Variants in GPHN observed in about 807,000 individuals in gnomAD.
GPHN encodes the protein gephyrin.
A neutral mutation model predicts 95.5 loss-of-function variants in GPHN; 17 were observed. The observed-to-expected ratio is 0.18, with a 90% CI of 0.12 to 0.27. The LOEUF (loss-of-function observed/expected upper bound fraction) is 0.27, where lower values mean the gene tolerates loss of function less well. GPHN is among the 10% of genes least tolerant of loss of function. The pLI, the probability that GPHN is intolerant of heterozygous loss-of-function variation, is 1.00. For synonymous variants in GPHN, 320 were observed against 322.5 expected (o/e 0.99, Z 0.08); for missense variants, 660 against 978.1 (o/e 0.67, Z 4.34).
At chr14:67,444,869 C>G in the GPHN span, among the ~76,000 whole-genome samples, 76 of 152,298 alleles carry the variant, frequency 5.0e-4, no homozygotes, top group African/African-American at 1.8e-3. Context: ...AAGTGATTCT[C>G]CTGCCTCAGC....
chr14:67,284,979 G>T, the GPHN span, among the ~76,000 whole-genome samples: 4 of 151,804 alleles, frequency 2.6e-5, no homozygotes, highest in East Asian at 7.7e-4. Flanking sequence ...TTGACCTCCT[G>T]GCCTCAAGTG....
At chr14:67,056,498 A>G (rs891738900) in intron 10 of GPHN, among the ~76,000 whole-genome samples, 1 of 151,966 alleles carries the variant, frequency 6.6e-6, no homozygotes, top group Non-Finnish European at 1.5e-5. Context: ...CTAGCTAGAC[A>G]TAAAAGTTCT....
the GPHN span, among the ~76,000 whole-genome samples, chr14:67,706,850 A>G: frequency 6.6e-6 from 1 of 152,192 alleles, no homozygotes; most frequent in African/African-American, 2.4e-5. Context: ...TCTCTTGGTT[A>G]GGATGGTTCG....
chr14:67,398,743 A>G, the GPHN span, among the ~76,000 whole-genome samples: 3 of 152,032 alleles, frequency 2.0e-5, no homozygotes, highest in African/African-American at 7.2e-5. Flanking sequence ...TTTTTTGTAA[A>G]GACGAGGTCT....
chr14:67,286,710 T>G, the GPHN span, among the ~76,000 whole-genome samples: 8 of 150,708 alleles, frequency 5.3e-5, no homozygotes, highest in African/African-American at 2.0e-4. Context: ...AATACAAAAA[T>G]AGCCAGGTGT....
the GPHN span, among the ~76,000 whole-genome samples, chr14:67,478,496 A>G: frequency 6.6e-6 from 1 of 152,196 alleles, no homozygotes; most frequent in Non-Finnish European, 1.5e-5. Context: ...TTCACTCATC[A>G]CAGGATGAAA....
chr14:67,284,781 TTA>T, the GPHN span, among the ~76,000 whole-genome samples: 1 of 152,096 alleles, frequency 6.6e-6, no homozygotes, highest in African/African-American at 2.4e-5. Flanking sequence ...TCACTTACCA[TTA>T]TGTTTTCAGG....
At chr14:67,663,518 C>T in the GPHN span, among the ~76,000 whole-genome samples, 1 of 151,770 alleles carries the variant, frequency 6.6e-6, no homozygotes, top group Non-Finnish European at 1.5e-5. Context: ...CTAAAAAATA[C>T]AAAAAATTAG....
At chr14:67,387,709 A>G in the GPHN span, among the ~76,000 whole-genome samples, 3 of 152,146 alleles carry the variant, frequency 2.0e-5, no homozygotes, top group African/African-American at 7.2e-5. Context: ...CCTGCTCCCT[A>G]TGCTCAAGAT....
At chr14:66,590,084 A>C (rs1414325344) in intron 1 of GPHN, among the ~76,000 whole-genome samples, 1 of 152,180 alleles carries the variant, frequency 6.6e-6, no homozygotes, top group Non-Finnish European at 1.5e-5. Context: ...CTACTGGGTA[A>C]ATAACAAAAT....
chr14:67,522,392 C>T, the GPHN span, among the ~76,000 whole-genome samples: 4 of 152,290 alleles, frequency 2.6e-5, no homozygotes, highest in South Asian at 8.3e-4. Context: ...TTCCCTTTGC[C>T]AGGATACAAG....
At chr14:67,523,343 A>T in the GPHN span, among the ~76,000 whole-genome samples, 1 of 152,072 alleles carries the variant, frequency 6.6e-6, no homozygotes, top group African/African-American at 2.4e-5. Context: ...AAAAGAAAAG[A>T]AAAAAGAGGA....
At chr14:66,633,402 T>G (rs1021097460) in intron 1 of GPHN, among the ~76,000 whole-genome samples, 1 of 152,206 alleles carries the variant, frequency 6.6e-6, no homozygotes, top group Non-Finnish European at 1.5e-5. Flanking sequence ...TTCCATAAAT[T>G]AGTTTTACCA....
In GPHN at chr14:66,859,880, A is replaced by G. The variant is rs1252158523; in HGVS notation, c.295-20059A>G. 2.0e-5 allele frequency among the ~76,000 whole-genome samples: 3 copies of G among 152,200 alleles called. No homozygotes were observed. In the East Asian group the frequency reaches 5.8e-4, roughly 29 times the overall value. On this transcript the variant is annotated intron_variant, in intron 4 of 22. Coordinates refer to ENST00000478722, the MANE Select transcript of GPHN (RefSeq NM_020806.5). ...CTTAATAGCAGAATCGATCAATCAGAAGAAAGAATTAGTGAGCTTGAAGAA... is the reference window on the plus strand; with the variant it reads ...CTTAATAGCAGAATCGATCAATCAGGAGAAAGAATTAGTGAGCTTGAAGAA...
At chr14:66,894,835 G>A (rs148660542) in intron 5 of GPHN, among the ~76,000 whole-genome samples, 24,775 of 151,300 alleles carry the variant, frequency 0.16, 3,918 homozygotes, top group East Asian at 0.45. Flanking sequence ...TTAGAATGGC[G>A]ATCATTAAAA....
the GPHN span, among the ~76,000 whole-genome samples, chr14:67,193,668 C>G: frequency 6.8e-6 from 1 of 146,138 alleles, no homozygotes; most frequent in Non-Finnish European, 1.5e-5. Flanking sequence ...GTAGGCCAAG[C>G]ACAGTGGCTC....
chr14:67,671,156 CTTA>C, the GPHN span, among the ~76,000 whole-genome samples: 1 of 152,110 alleles, frequency 6.6e-6, no homozygotes, highest in South Asian at 2.1e-4. Flanking sequence ...AGTTGTTGGA[CTTA>C]TTATAATTCT....
intron 10 of GPHN, among the ~76,000 whole-genome samples, chr14:67,055,843 C>T (rs1382731917): frequency 6.6e-6 from 1 of 152,164 alleles, no homozygotes; most frequent in Non-Finnish European, 1.5e-5. Flanking sequence ...TTTCTTCCTT[C>T]TGGTGGGTTC....
chr14:67,593,466 G>T, the GPHN span: 1 of 360,364 alleles, frequency 2.8e-6, no homozygotes. Flanking sequence ...ACTCCAGCCT[G>T]GGCAACAGAG....
Sources: allele counts gnomAD v4.1 joint callset (sites outside exome capture counted in the v4.1 genomes callset), GRCh38; gene constraint gnomAD v4.1.1; transcripts MANE v1.5; gene names NCBI Gene and HGNC (gene_info 2026-07-23, HGNC 2026-07-21).